ZNF599: variants seen among roughly 807,000 people sequenced by gnomAD.
ZNF599 encodes zinc finger protein 599.
Under a neutral mutation model 11.7 loss-of-function variants are expected in ZNF599, and 10 were observed. The ratio of observed to expected loss-of-function variants is 0.86; its 90% confidence interval spans 0.53 to 1.45. The LOEUF is 1.45. ZNF599 is among the 40% of genes most tolerant of loss of function. The pLI is 0.00. For missense variants in ZNF599, 688 were observed against 713.6 expected (o/e 0.96, Z 0.41); for synonymous variants, 232 against 253.2 (o/e 0.92, Z 0.79).
the ZNF599 span, among the ~76,000 whole-genome samples, chr19:34,788,217 T>C: frequency 6.6e-6 from 1 of 152,180 alleles, no homozygotes; most frequent in Non-Finnish European, 1.5e-5. Flanking sequence ...CAATGTCCCA[T>C]GGATCCCAAA....
At chr19:34,778,164 T>C (rs947707915), upstream of ZNF599, among the ~76,000 whole-genome samples, 4 of 152,096 alleles carry the variant, frequency 2.6e-5, no homozygotes, top group Non-Finnish European at 5.9e-5. Flanking sequence ...AAAAAATCTC[T>C]GGGACACAGC....
intron 1 of ZNF599, chr19:34,772,551 A>G (rs986450116): frequency 9.7e-6 from 13 of 1,341,368 alleles, no homozygotes; most frequent in African/African-American, 3.1e-5. Context: ...CTCGCATTTT[A>G]GACCCGAGGG....
At chr19:34,762,774 C>A (rs2069120281) in intron 3 of ZNF599, 1 of 152,084 alleles carries the variant, frequency 6.6e-6, no homozygotes, top group Admixed American at 6.5e-5. Context: ...TCAAAAAAAG[C>A]AAAATACACA....
chr19:34,770,566 C>T, intron 1 of ZNF599, among the ~76,000 whole-genome samples: 1 of 152,200 alleles, frequency 6.6e-6, no homozygotes, highest in East Asian at 1.9e-4. Context: ...CTTGTAGACT[C>T]CCTGGAATAT....
the ZNF599 span, among the ~76,000 whole-genome samples, chr19:34,807,443 T>G: frequency 0.41 from 62,326 of 152,050 alleles, 13,437 homozygotes; most frequent in Non-Finnish European, 0.49. Context: ...GGTGGCACCC[T>G]AGCCTAGCGT....
chr19:34,799,382 T>TC, the ZNF599 span, among the ~76,000 whole-genome samples: 12 of 152,232 alleles, frequency 7.9e-5, no homozygotes, highest in African/African-American at 2.9e-4. Flanking sequence ...TTTTGGTGTC[T>TC]TGATAGCCCA....
chr19:34,800,071 A>G, the ZNF599 span, among the ~76,000 whole-genome samples: 2 of 152,092 alleles, frequency 1.3e-5, no homozygotes, highest in East Asian at 1.9e-4. Flanking sequence ...TGCCCTGTGT[A>G]TGTCTTCTCT....
At chr19:34,763,135 A>T (rs2069122568) in intron 3 of ZNF599, 1 of 152,256 alleles carries the variant, frequency 6.6e-6, no homozygotes, top group Non-Finnish European at 1.5e-5. Flanking sequence ...GGAATGGGAA[A>T]GGAAAGAAAC....
At chr19:34,800,582 C>CTTTTTTTTTTTTT in the ZNF599 span, among the ~76,000 whole-genome samples, 1 of 73,836 alleles carries the variant, frequency 1.4e-5, no homozygotes, top group African/African-American at 4.9e-5. Flanking sequence ...CTAGCATTTC[C>CTTTTTTTTTTTTT]TTTGTTTTTT....
chr19:34,806,646 T>TGAC, the ZNF599 span, among the ~76,000 whole-genome samples: 1 of 108,286 alleles, frequency 9.2e-6, no homozygotes, highest in Non-Finnish European at 2.0e-5. Context: ...CAGAATAGAC[T>TGAC]TATCAGATGA....
intron 3 of ZNF599, chr19:34,765,347 T>C (rs1028953562): frequency 5.5e-6 from 3 of 546,834 alleles, no homozygotes; most frequent in African/African-American, 1.9e-5. Flanking sequence ...ACATCCGTCT[T>C]GCTGGAGTCT....
chr19:34,796,341 C>A, the ZNF599 span, among the ~76,000 whole-genome samples: 1 of 148,424 alleles, frequency 6.7e-6, no homozygotes, highest in Non-Finnish European at 1.5e-5. Flanking sequence ...GAGATGGAGT[C>A]TCTCTATTGC....
chr19:34,768,861 A>T (rs1410589582), intron 2 of ZNF599, among the ~76,000 whole-genome samples: 1 of 152,244 alleles, frequency 6.6e-6, no homozygotes, highest in Non-Finnish European at 1.5e-5. Flanking sequence ...CAGATAGCAT[A>T]CATCCATGCC....
At chr19:34,761,274 A>G (rs114932693) in intron 3 of ZNF599, among the ~76,000 whole-genome samples, 44 of 152,286 alleles carry the variant, frequency 2.9e-4, no homozygotes, top group African/African-American at 1.0e-3. Context: ...AAGTGAACAT[A>G]CACAAAATAG....
intron 1 of ZNF599, among the ~76,000 whole-genome samples, 168 bp from the exon 2 acceptor site, chr19:34,769,723 G>A (rs1232189651): frequency 6.6e-6 from 1 of 152,224 alleles, no homozygotes; most frequent in African/African-American, 2.4e-5. Context: ...ATACAAAGAT[G>A]TGGGACAGAA....
chr19:34,793,189 T>C, the ZNF599 span, among the ~76,000 whole-genome samples: 1 of 152,220 alleles, frequency 6.6e-6, no homozygotes, highest in Admixed American at 6.5e-5. Flanking sequence ...CCTTATGGTA[T>C]ACCTCAAATT....
chr19:34,773,502 T>G (rs2069200230), upstream of ZNF599, among the ~76,000 whole-genome samples: 1 of 152,128 alleles, frequency 6.6e-6, no homozygotes. Context: ...ACGCCTTGAC[T>G]TTCCTCCCTG....
chr19:34,776,639 G>A (rs181665084), upstream of ZNF599, among the ~76,000 whole-genome samples: 9 of 152,308 alleles, frequency 5.9e-5, no homozygotes, highest in African/African-American at 2.2e-4. Context: ...TTATTAGTGA[G>A]GAATTAGTGG....
intron 1 of ZNF599, 109 bp downstream of exon 1, chr19:34,772,715 G>T: frequency 6.6e-7 from 1 of 1,522,874 alleles, no homozygotes; most frequent in Admixed American, 2.0e-5. Flanking sequence ...CCATAACCTA[G>T]GGCATCAAAA....
Sources: allele counts gnomAD v4.1 joint callset (sites outside exome capture counted in the v4.1 genomes callset), GRCh38; gene constraint gnomAD v4.1.1; transcripts MANE v1.5; gene names NCBI Gene and HGNC (gene_info 2026-07-23, HGNC 2026-07-21).